SCOC: variants seen among roughly 807,000 people sequenced by gnomAD.
The protein encoded by SCOC is short coiled-coil protein.
SCOC carries 7 observed loss-of-function variants against 9.9 expected under a neutral mutation model. That is an observed-to-expected ratio of 0.71 (90% CI 0.40 to 1.33). The LOEUF is 1.33. Among genes scored for constraint, SCOC ranks in the 40% most tolerant of loss-of-function variants. The pLI is 0.01. For synonymous variants in SCOC, 19 were observed against 28.2 expected, an observed-to-expected ratio of 0.67 and a Z score of 1.03; for missense variants, 66 against 89.7, an observed-to-expected ratio of 0.74 and a Z score of 1.07.
At chr4:140,375,779 C>T (rs868635969) in intron 1 of SCOC, among the ~76,000 whole-genome samples, 2 of 152,130 alleles carry the variant, frequency 1.3e-5, no homozygotes, top group Non-Finnish European at 1.5e-5. Context: ...GCTAGATACC[C>T]GAATTTACTG....
chr4:140,340,464 TA>T (rs370205133), upstream of SCOC, among the ~76,000 whole-genome samples: 464 of 145,942 alleles, frequency 3.2e-3, no homozygotes, highest in South Asian at 0.016. Context: ...TAAAGTATAA[TA>T]AAAAAAAAAG....
chr4:140,263,133 C>G (rs1446096718), intron 1 of SCOC, among the ~76,000 whole-genome samples: 1 of 152,200 alleles, frequency 6.6e-6, no homozygotes, highest in Non-Finnish European at 1.5e-5. Context: ...GGTGCATTTG[C>G]ATCTCTTTAA....
At chr4:140,326,653 CT>C (rs1287097845) in intron 1 of SCOC, among the ~76,000 whole-genome samples, 2 of 143,466 alleles carry the variant, frequency 1.4e-5, no homozygotes, top group Admixed American at 7.0e-5. Context: ...ACCCCCCCCC[CT>C]ACACTGTTAG....
At chr4:140,274,756 T>C (rs1341181281) in intron 1 of SCOC, among the ~76,000 whole-genome samples, 1 of 152,224 alleles carries the variant, frequency 6.6e-6, no homozygotes, top group African/African-American at 2.4e-5. Context: ...ACTTTCACCC[T>C]AGCACTTCCC....
rs181301161 is a variant in SCOC at position 140,378,707 on chromosome 4, C to T, written c.-50-414C>T. Reference sequence around the variant, plus strand: ...ATTTTTATGTATATAACTTTCTTTGCATTATTGTCCTTAGCCTAAATTTCC... The same window carrying T: ...ATTTTTATGTATATAACTTTCTTTGTATTATTGTCCTTAGCCTAAATTTCC... On this transcript the variant is annotated intron_variant, in intron 1 of 3. Coordinates refer to ENST00000608372, the MANE Select transcript of SCOC (RefSeq NM_001153484.2). Among the ~76,000 whole-genome samples, 8 of 152,130 alleles carry T rather than the reference C, an allele frequency of 5.3e-5. No individual in the cohort carries two copies. The East Asian group carries it at 1.5e-3, about 29-fold the overall frequency.
chr4:140,328,052 C>T (rs1017873557), intron 1 of SCOC, among the ~76,000 whole-genome samples: 2 of 152,190 alleles, frequency 1.3e-5, no homozygotes, highest in South Asian at 2.1e-4. Flanking sequence ...GGGGACATCA[C>T]CAGACTCCTC....
chr4:140,300,406 GGCAATA>G (rs528959628), intron 1 of SCOC, among the ~76,000 whole-genome samples: 3 of 152,190 alleles, frequency 2.0e-5, no homozygotes, highest in Non-Finnish European at 4.4e-5. Context: ...GGAAAGCTGA[GGCAATA>G]GCAGTCACAG....
intron 2 of SCOC, among the ~76,000 whole-genome samples, chr4:140,365,857 T>G (rs1265572793): frequency 6.6e-6 from 1 of 152,262 alleles, no homozygotes; most frequent in African/African-American, 2.4e-5. Flanking sequence ...ACTGTTTATG[T>G]TATTGGTAGT....
At chr4:140,343,618 C>A (rs758484046) in intron 1 of SCOC, 12 of 1,602,948 alleles carry the variant, frequency 7.5e-6, no homozygotes, top group Non-Finnish European at 9.4e-6. Context: ...TTCTTACTAA[C>A]AGGTCTGAAA....
chr4:140,296,051 C>T (rs1032415138), intron 1 of SCOC, among the ~76,000 whole-genome samples: 3 of 151,564 alleles, frequency 2.0e-5, no homozygotes, highest in Admixed American at 2.0e-4. Context: ...GGAACCAGGC[C>T]CAGGAATCTG....
exon 2 of SCOC, chr4:140,343,706 T>C (rs1440529210): frequency 6.2e-7 from 1 of 1,610,606 alleles, no homozygotes; most frequent in Non-Finnish European, 8.5e-7. Context: ...GCAGATGACA[T>C]AGGTAAGGAA....
At chr4:140,357,000 C>A (rs545939695) in intron 2 of SCOC, among the ~76,000 whole-genome samples, 1 of 152,136 alleles carries the variant, frequency 6.6e-6, no homozygotes. Context: ...GACAGGGTCT[C>A]GCTCTGTTGC....
At chr4:140,333,313 C>T (rs1385632016) in intron 1 of SCOC, among the ~76,000 whole-genome samples, 3 of 151,984 alleles carry the variant, frequency 2.0e-5, no homozygotes, top group Non-Finnish European at 4.4e-5. Flanking sequence ...TCTCTCCTCT[C>T]CATTGGATGT....
chr4:140,278,903 C>G (rs1238038455), intron 1 of SCOC, among the ~76,000 whole-genome samples: 6 of 142,168 alleles, frequency 4.2e-5, no homozygotes, highest in Admixed American at 3.7e-4. Flanking sequence ...ACAAACAGAA[C>G]CAATCATGTC....
At chr4:140,373,586 A>T (rs1016972714), upstream of SCOC, 10 of 1,551,134 alleles carry the variant, frequency 6.4e-6, no homozygotes, top group Non-Finnish European at 8.7e-6. Flanking sequence ...AGCGGCTGGG[A>T]CGGGATGGGA....
intron 1 of SCOC, among the ~76,000 whole-genome samples, chr4:140,336,151 T>C (rs963308813): frequency 6.6e-6 from 1 of 152,202 alleles, no homozygotes; most frequent in Non-Finnish European, 1.5e-5. Flanking sequence ...ATTCATACTA[T>C]GTAGAGACAG....
chr4:140,271,682 C>T (rs1029921322), intron 1 of SCOC, among the ~76,000 whole-genome samples: 8 of 152,098 alleles, frequency 5.3e-5, no homozygotes, highest in Non-Finnish European at 5.9e-5. Context: ...TCCATGTGGA[C>T]TAAAAAGAGC....
At chr4:140,352,686 T>C (rs1377599060) in intron 2 of SCOC, among the ~76,000 whole-genome samples, 2 of 152,218 alleles carry the variant, frequency 1.3e-5, no homozygotes, top group Non-Finnish European at 2.9e-5. Flanking sequence ...TATCTAATGT[T>C]TTCAGTAATC....
chr4:140,284,693 C>T (rs1284559739), intron 1 of SCOC: 1 of 140,450 alleles, frequency 7.1e-6, no homozygotes, highest in East Asian at 2.1e-4. Context: ...GCTGCCTAAT[C>T]AAGGTTAAGA....
Sources: gnomAD v4.1 joint callset for allele counts (sites outside exome capture counted in the v4.1 genomes callset) on GRCh38, gnomAD v4.1.1 for gene constraint, MANE v1.5 for transcripts, NCBI Gene and HGNC (gene_info 2026-07-23, HGNC 2026-07-21) for gene names.